The following DPP10 variants were observed in gnomAD, a reference collection of about 807,000 sequenced individuals.
DPP10 encodes the protein dipeptidyl peptidase like 10.
Under a neutral mutation model 120.9 loss-of-function variants are expected in DPP10, and 33 were observed. The observed-to-expected ratio is 0.27, with a 90% confidence interval of 0.21 to 0.37. DPP10 has a LOEUF of 0.37. DPP10 is among the 10% of genes least tolerant of loss of function. DPP10 has a pLI of 1.00. For missense variants in DPP10, 816 were observed against 942.8 expected (o/e 0.87, Z 1.76); for synonymous variants, 337 against 326.1 (o/e 1.03, Z -0.36).
chr2:115,338,960 A>C lies in DPP10; in HGVS notation c.176-4857A>C, dbSNP rs532198754. Among the ~76,000 whole-genome samples, 17 of 152,304 alleles carry C rather than the reference A, an allele frequency of 1.1e-4. No individual in the cohort carries two copies. In the South Asian group the frequency reaches 3.3e-3, roughly 30 times the overall value. ...AGGAAAAATTGATTACCTGGATCTC[A>C]TAAATATTGATACCTTTTTCTCCAC... is the stretch of plus-strand genomic sequence containing the variant. On this transcript the variant is annotated intron_variant, in intron 2 of 25. Coordinates refer to ENST00000410059, the MANE Select transcript of DPP10 (RefSeq NM_020868.6).
chr2:115,025,865 G>A (rs1366910272), intron 1 of DPP10, among the ~76,000 whole-genome samples: 4 of 151,186 alleles, frequency 2.6e-5, no homozygotes, highest in Admixed American at 2.0e-4. Context: ...GGTCTTTTTG[G>A]GTGTTTGTTT....
chr2:114,938,729 C>CTTT (rs5833569), intron 1 of DPP10, among the ~76,000 whole-genome samples: 2 of 102,560 alleles, frequency 2.0e-5, no homozygotes, highest in African/African-American at 3.4e-5. Context: ...CACTTTGTCC[C>CTTT]TTTTTTTTTT....
chr2:115,706,136 T>C (rs2149550783), intron 7 of DPP10, among the ~76,000 whole-genome samples: 1 of 152,084 alleles, frequency 6.6e-6, no homozygotes, highest in Admixed American at 6.6e-5. Flanking sequence ...ATAAATAAAA[T>C]GCCTTAACAT....
chr2:114,565,841 T>C (rs1244312044), intron 1 of DPP10, among the ~76,000 whole-genome samples: 1 of 152,226 alleles, frequency 6.6e-6, no homozygotes, highest in East Asian at 1.9e-4. Context: ...TCAGGTGCAG[T>C]GCTAGGCACA....
At chr2:114,851,689 A>G (rs1334453373) in intron 1 of DPP10, among the ~76,000 whole-genome samples, 2 of 152,188 alleles carry the variant, frequency 1.3e-5, no homozygotes, top group East Asian at 1.9e-4. Flanking sequence ...CATTTTATCT[A>G]TTGCTTCAAC....
intron 1 of DPP10, among the ~76,000 whole-genome samples, chr2:115,164,077 C>A (rs921921549): frequency 6.6e-6 from 1 of 152,022 alleles, no homozygotes; most frequent in South Asian, 2.1e-4. Context: ...AAGTGCCTTT[C>A]TGAGTATTGA....
intron 1 of DPP10, among the ~76,000 whole-genome samples, chr2:114,663,584 A>G (rs1697616929): frequency 6.7e-6 from 1 of 148,832 alleles, no homozygotes; most frequent in Non-Finnish European, 1.5e-5. Context: ...TTTTGTATAC[A>G]TCATATACGT....
intron 1 of DPP10, among the ~76,000 whole-genome samples, chr2:115,051,215 T>G (rs1191221839): frequency 6.6e-6 from 1 of 152,110 alleles, no homozygotes; most frequent in Non-Finnish European, 1.5e-5. Flanking sequence ...AATCAGCTAT[T>G]TTAAGTGTGT....
At chr2:114,835,338 A>G (rs1687640992) in intron 1 of DPP10, 1 of 151,910 alleles carries the variant, frequency 6.6e-6, no homozygotes, top group Non-Finnish European at 1.5e-5. Context: ...TATATAAGCC[A>G]TATCTACACA....
intron 3 of DPP10, among the ~76,000 whole-genome samples, chr2:115,474,631 G>A (rs535309646): frequency 2.6e-5 from 4 of 151,474 alleles, no homozygotes; most frequent in South Asian, 2.1e-4. Flanking sequence ...GCCTATATTC[G>A]TATGTGCGAG....
intron 1 of DPP10, among the ~76,000 whole-genome samples, chr2:114,589,640 A>G (rs547151837): frequency 1.2e-3 from 181 of 152,334 alleles, no homozygotes; most frequent in Admixed American, 2.7e-3. Flanking sequence ...GTCAGCACTA[A>G]CTATACATAC....
At chr2:114,445,578 G>C (rs1451560051) in intron 1 of DPP10, among the ~76,000 whole-genome samples, 1 of 130,480 alleles carries the variant, frequency 7.7e-6, no homozygotes, top group Non-Finnish European at 1.7e-5. Flanking sequence ...GTGTGTGTGT[G>C]TGTTCTCCTC....
chr2:114,709,041 C>T (rs1574014251), intron 1 of DPP10, among the ~76,000 whole-genome samples: 1 of 152,254 alleles, frequency 6.6e-6, no homozygotes, highest in Non-Finnish European at 1.5e-5. Context: ...CAGGCTTGAG[C>T]CACAGCGCCC....
At chr2:114,532,032 G>C (rs554968435) in intron 1 of DPP10, among the ~76,000 whole-genome samples, 5 of 151,788 alleles carry the variant, frequency 3.3e-5, no homozygotes, top group African/African-American at 1.2e-4. Flanking sequence ...TTTGCTTTCC[G>C]TTTGAAACAT....
chr2:115,209,566 T>A (rs964832107), intron 1 of DPP10, among the ~76,000 whole-genome samples: 1 of 152,220 alleles, frequency 6.6e-6, no homozygotes, highest in Non-Finnish European at 1.5e-5. Flanking sequence ...TATTTCTTTC[T>A]TATTACTTTT....
chr2:115,798,534 G>A (rs1281873358), intron 19 of DPP10, among the ~76,000 whole-genome samples: 2 of 152,044 alleles, frequency 1.3e-5, no homozygotes, highest in Non-Finnish European at 2.9e-5. Context: ...AGGCTGTGTA[G>A]CATGTAAGTC....
chr2:115,014,917 G>C (rs1702525018), intron 1 of DPP10, among the ~76,000 whole-genome samples: 1 of 145,978 alleles, frequency 6.9e-6, no homozygotes, highest in Non-Finnish European at 1.5e-5. Flanking sequence ...AATTCTACCA[G>C]AGGTACAAAG....
At chr2:115,815,823 T>C in intron 21 of DPP10, 94 bp downstream of exon 21, 1 of 1,250,292 alleles carries the variant, frequency 8.0e-7, no homozygotes, top group South Asian at 1.4e-5. Flanking sequence ...TGGTTACAGA[T>C]AAGTTCCATA....
chr2:115,490,363 A>C (rs975246699), intron 3 of DPP10, among the ~76,000 whole-genome samples: 1 of 152,116 alleles, frequency 6.6e-6, no homozygotes, highest in East Asian at 1.9e-4. Flanking sequence ...CTCACTCGCT[A>C]TCAGGACAAC....
Sources: allele counts gnomAD v4.1 joint callset (sites outside exome capture counted in the v4.1 genomes callset), GRCh38; gene constraint gnomAD v4.1.1; transcripts MANE v1.5; gene names NCBI Gene and HGNC (gene_info 2026-07-23, HGNC 2026-07-21).